The following DYRK1A variants were observed in gnomAD, a reference collection of about 807,000 sequenced individuals.
DYRK1A encodes the protein dual specificity tyrosine-phosphorylation-regulated kinase 1A.
A neutral mutation model predicts 79.7 loss-of-function variants in DYRK1A; 9 were observed. The ratio of observed to expected loss-of-function variants is 0.11; its 90% CI spans 0.07 to 0.20. The LOEUF (loss-of-function observed/expected upper bound fraction) is 0.20. Among genes scored for constraint, DYRK1A ranks in the 10% least tolerant of loss-of-function variants. DYRK1A has a pLI of 1.00. For missense variants in DYRK1A, 622 were observed against 956.0 expected (o/e 0.65, Z 4.61); for synonymous variants, 349 against 329.7 (o/e 1.06, Z -0.63).
chr21:37,472,463 A>G (rs999939200), intron 2 of DYRK1A, among the ~76,000 whole-genome samples: 10 of 152,158 alleles, frequency 6.6e-5, no homozygotes, highest in South Asian at 2.1e-4. Flanking sequence ...TTTTCTGAAG[A>G]TTTTCTCAAT....
chr21:37,367,977 TC>T, intron 1 of DYRK1A: 2 of 163,296 alleles, frequency 1.2e-5, no homozygotes, highest in Non-Finnish European at 2.6e-5. Context: ...CTCCTCATCC[TC>T]TTCCCCCAGC....
chr21:37,386,755 A>C (rs1602380657), intron 1 of DYRK1A, among the ~76,000 whole-genome samples: 1 of 152,118 alleles, frequency 6.6e-6, no homozygotes, highest in South Asian at 2.1e-4. Context: ...TCAGGGCCCC[A>C]GGTTTTCTCA....
chr21:37,394,566 A>G (rs1418557284), intron 1 of DYRK1A, among the ~76,000 whole-genome samples: 1 of 152,084 alleles, frequency 6.6e-6, no homozygotes, highest in African/African-American at 2.4e-5. Context: ...GCAAGCGATC[A>G]TTTCTGCCTG....
In DYRK1A at chr21:37,367,493, A is replaced by C. The variant is rs934465786; in HGVS notation, c.-212A>C. On this transcript the variant is annotated 5_prime_UTR_variant, in exon 1 of 12. Transcript: ENST00000647188. ...AGACTGAGCAGGCTGCGGCGCGGCC[A>C]GGAGCCGGAGCGCCGGGGGCGGAGA... 2 of 148,396 alleles carry C rather than the reference A, an allele frequency of 1.3e-5. No homozygotes were observed. The highest frequency in any genetic ancestry group is 4.9e-5 in the African/African-American group (2 of 41,002). 9.2% of individuals were successfully genotyped at this position (148,396 alleles called of 1,614,324 possible).
At chr21:37,439,891 G>A (rs1569322968) in intron 2 of DYRK1A, among the ~76,000 whole-genome samples, 1 of 152,002 alleles carries the variant, frequency 6.6e-6, no homozygotes, top group Non-Finnish European at 1.5e-5. Context: ...TTGATGAATT[G>A]TACTGATTGA....
Position 37,516,657 on chromosome 21 carries a change from G to GA in DYRK1A, c.*4127dup, listed in dbSNP as rs2053883546. ...GGCACTGGATGCTTGTTTTGTGGAA[G>GA]ACATGTTCATTGAGGTAAGTGGCTC... On this transcript the variant is annotated 3_prime_UTR_variant, in exon 12 of 12. Coordinates refer to ENST00000647188, the MANE Select transcript of DYRK1A (RefSeq NM_001347721.2). The GA allele has an allele frequency of 6.6e-6, 1 of 152,200 alleles. No homozygotes were observed. The highest frequency in any genetic ancestry group is 1.5e-5 in the Non-Finnish European group (1 of 68,038). 9.4% of individuals were successfully genotyped at this position (152,200 alleles called of 1,614,324 possible). A position where few individuals can be genotyped will look rare whatever the true frequency, so the allele number is the denominator to read the frequency against.
intron 4 of DYRK1A, 78 bp from the exon 5 acceptor site, chr21:37,480,560 T>C: frequency 9.0e-7 from 1 of 1,107,004 alleles, no homozygotes; most frequent in Middle Eastern, 2.1e-4. Flanking sequence ...AAAATAGGTG[T>C]GTGTCAATAT....
chr21:37,507,655 C>G (rs1025739820), intron 11 of DYRK1A, among the ~76,000 whole-genome samples: 3 of 147,816 alleles, frequency 2.0e-5, no homozygotes, highest in Non-Finnish European at 4.5e-5. Flanking sequence ...GGATGTTCTT[C>G]TTTCCCTCCC....
upstream of DYRK1A, chr21:37,366,209 G>C (rs373089485): frequency 6.6e-6 from 1 of 150,760 alleles, no homozygotes; most frequent in Non-Finnish European, 1.5e-5. Context: ...AGGCCCGGGC[G>C]CGCGGGGTGG....
In DYRK1A at chr21:37,512,350, T is replaced by C. The variant is rs763795503; in HGVS notation, c.2084T>C (p.Val695Ala). 15 of 1,614,094 alleles carry C rather than the reference T, an allele frequency of 9.3e-6. No homozygotes were observed. The highest frequency in any genetic ancestry group is 1.6e-4 in the Middle Eastern group (1 of 6,084). The change falls in exon 12 of 12, where the codon GTC becomes GCC. Residue 695 changes from valine (V) to alanine (A), a missense_variant. By Grantham distance (64) the Val-to-Ala change is moderately conservative. Transcript: ENST00000647188. ...GGAGCTATGGACGTTAATTTGACCGTCTACTCCAATCCCCGCCAAGAGACT... is the reference window on the plus strand; with the variant it reads ...GGAGCTATGGACGTTAATTTGACCGCCTACTCCAATCCCCGCCAAGAGACT... ...QNGAMDVNLT[V>A]YSNPRQETGI... is the part of the protein sequence containing the mutation.
rs1161501000 is a variant in DYRK1A at position 37,513,135 on chromosome 21, GC to G, written c.*605del. ...GGACGGTTGTGGTGAAGTTTGTCAG[GC>G]ACAGTAAGCATGCTGAGTGGCGGGG... On this transcript the variant is annotated 3_prime_UTR_variant, in exon 12 of 12. Coordinates refer to ENST00000647188, the MANE Select transcript of DYRK1A (RefSeq NM_001347721.2). 6.5e-6 allele frequency: 1 copy of G among 153,538 alleles called. No individual in the cohort carries two copies. Among genetic ancestry groups the G allele is most frequent in the Non-Finnish European group, 1.5e-5 (1 of 68,804 alleles). The allele number at this position is 153,538 out of a possible 1,614,324, so 9.5% of individuals were successfully genotyped here.
chr21:37,414,574 A>G (rs539093256), intron 1 of DYRK1A, among the ~76,000 whole-genome samples: 4 of 152,160 alleles, frequency 2.6e-5, no homozygotes, highest in Non-Finnish European at 4.4e-5. Context: ...GGCCTGGAAC[A>G]AGCCCGCCTT....
chr21:37,371,643 A>G (rs1206392247), intron 1 of DYRK1A, among the ~76,000 whole-genome samples: 1 of 152,230 alleles, frequency 6.6e-6, no homozygotes, highest in Non-Finnish European at 1.5e-5. Context: ...CTAGGTTTTG[A>G]CAAGTTACAT....
In DYRK1A at chr21:37,452,954, G is replaced by A. The variant is rs561176360; in HGVS notation, c.11-19730G>A. Among the ~76,000 whole-genome samples, 5 of 152,156 alleles carry A rather than the reference G, an allele frequency of 3.3e-5. No homozygotes were observed. In the South Asian group the frequency reaches 1.0e-3, roughly 32 times the overall value. ...TTCTAGGAGCCACATTTTTAAAAAA[G>A]TAAAAAGAGGCCTGGAGTGGTGGCT... On this transcript the variant is annotated intron_variant, in intron 2 of 11. Coordinates refer to ENST00000647188, the MANE Select transcript of DYRK1A (RefSeq NM_001347721.2).
intron 1 of DYRK1A, among the ~76,000 whole-genome samples, chr21:37,394,048 G>GTT (rs1276633186): frequency 6.6e-6 from 1 of 152,190 alleles, no homozygotes; most frequent in African/African-American, 2.4e-5. Flanking sequence ...ATTGTACAAG[G>GTT]TGTGAACACT....
chr21:37,422,830 T>C (rs1224939005), intron 2 of DYRK1A, among the ~76,000 whole-genome samples: 1 of 152,170 alleles, frequency 6.6e-6, no homozygotes, highest in Non-Finnish European at 1.5e-5. Flanking sequence ...AAAAATAGTT[T>C]TACTGAACAC....
At position 37,519,736 on chromosome 21, in the gene DYRK1A, G is replaced by GTGTTTTTT. The variant is rs1329924530; in HGVS notation, c.*7206_*7207insGTTTTTTT. The GTGTTTTTT allele has an allele frequency of 2.0e-4, 17 of 85,796 alleles. No individual in the cohort carries two copies. The highest frequency in any genetic ancestry group is 6.3e-4 in the African/African-American group (13 of 20,574). 5.3% of individuals were successfully genotyped at this position (85,796 alleles called of 1,614,324 possible). ...AGAGTTTTGAGGTTTGTTGTGGGAA[G>GTGTTTTTT]TTTTTTTTTTTTTTTTTTTTTTTGA... is the stretch of plus-strand genomic sequence containing the variant. On this transcript the variant is annotated 3_prime_UTR_variant, in exon 12 of 12. Coordinates refer to ENST00000647188, the MANE Select transcript of DYRK1A (RefSeq NM_001347721.2).
At chr21:37,400,727 A>G (rs931024935) in intron 1 of DYRK1A, among the ~76,000 whole-genome samples, 33 of 152,260 alleles carry the variant, frequency 2.2e-4, no homozygotes, top group African/African-American at 8.0e-4. Context: ...GGGAAATGAT[A>G]TGAATGATTG....
At chr21:37,437,532 G>A (rs2050960633) in intron 2 of DYRK1A, among the ~76,000 whole-genome samples, 1 of 152,156 alleles carries the variant, frequency 6.6e-6, no homozygotes, top group African/African-American at 2.4e-5. Context: ...GATGGATTTT[G>A]ACAAGTATTA....
Sources: gnomAD v4.1 joint callset for allele counts (sites outside exome capture counted in the v4.1 genomes callset) on GRCh38, gnomAD v4.1.1 for gene constraint, MANE v1.5 for transcripts, NCBI Gene and HGNC (gene_info 2026-07-23, HGNC 2026-07-21) for gene names.